The following ATP10B variants were observed in gnomAD, a reference collection of about 807,000 sequenced individuals.
The protein encoded by ATP10B is ATPase phospholipid transporting 10B (putative).
In ATP10B, 122 loss-of-function variants were observed where a neutral mutation model predicts 141.2. That is an observed-to-expected ratio of 0.86 (90% confidence interval 0.75 to 1.00). ATP10B has a LOEUF of 1.00. Among genes scored for constraint, ATP10B ranks in the 50% least tolerant of loss-of-function variants. ATP10B has a pLI of 0.00. For missense variants in ATP10B, 1,876 were observed against 1,825.3 expected (o/e 1.03, Z -0.51); for synonymous variants, 685 against 692.0 (o/e 0.99, Z 0.16).
At chr5:160,766,329 A>G (rs1196101568) in intron 2 of ATP10B, among the ~76,000 whole-genome samples, 1 of 145,008 alleles carries the variant, frequency 6.9e-6, no homozygotes, top group Non-Finnish European at 1.5e-5. Context: ...CAATGAGTGG[A>G]TAAAGAGAAC....
At chr5:160,881,406 C>T in the ATP10B span, among the ~76,000 whole-genome samples, 1 of 152,350 alleles carries the variant, frequency 6.6e-6, no homozygotes, top group East Asian at 1.9e-4. Flanking sequence ...ACTAAACATA[C>T]TATTACCATA....
chr5:160,807,042 G>C (rs575859373), intron 1 of ATP10B, among the ~76,000 whole-genome samples: 78 of 152,274 alleles, frequency 5.1e-4, no homozygotes, highest in African/African-American at 1.8e-3. Flanking sequence ...CCAGTAAAGA[G>C]AGAATCTAGC....
At position 160,653,716 on chromosome 5, in the gene ATP10B, T is replaced by C. The variant is rs1761188125; in HGVS notation, c.676-4460A>G. Among the ~76,000 whole-genome samples, 5 of 127,726 alleles carry C rather than the reference T, an allele frequency of 3.9e-5. No homozygotes were observed. In the South Asian group the frequency reaches 1.2e-3, roughly 29 times the overall value. The allele number at this position is 127,726 out of a possible 152,430, so 83.8% of individuals were successfully genotyped here. ...TATATACATATACAATATATACATA[T>C]ATACATATATATTATATATACATAT... On this transcript the variant is annotated intron_variant, in intron 7 of 25. Transcript: ENST00000327245.
At chr5:160,850,524 C>G (rs1163560164) in intron 1 of ATP10B, among the ~76,000 whole-genome samples, 6 of 152,204 alleles carry the variant, frequency 3.9e-5, no homozygotes, top group African/African-American at 7.2e-5. Context: ...CTTCATTTCT[C>G]TAGGTCCTAG....
At chr5:160,867,479 A>C in the ATP10B span, among the ~76,000 whole-genome samples, 3 of 152,152 alleles carry the variant, frequency 2.0e-5, no homozygotes, top group Non-Finnish European at 4.4e-5. Context: ...ACACACAGAA[A>C]TGGGGCTACT....
rs199882368 is a variant in ATP10B, at chr5:160,620,611, C to T, written c.2152G>A (p.Glu718Lys). ...TDLARPEFCY[E>K]AESPDEAALV... ...GCGGCCTCATCAGGGCTCTCAGCCT[C>T]GTAACAGAACTCAGGCCTGGCCAGG... Residue 718 changes from glutamate (E) to lysine (K), a missense_variant, in exon 15 of 26, where the codon GAG (glutamate) becomes AAG (lysine). Physicochemically the swap from Glu to Lys is moderately conservative, Grantham distance 56. Coordinates refer to ENST00000327245, the MANE Select transcript of ATP10B (RefSeq NM_025153.3). The T allele has an allele frequency of 7.6e-5, 122 of 1,613,654 alleles. No individual in the cohort carries two copies. Among genetic ancestry groups the T allele is most frequent in the Non-Finnish European group, 9.0e-5 (106 of 1,179,726 alleles).
chr5:160,853,161 A>T (rs930941968), upstream of ATP10B, among the ~76,000 whole-genome samples: 4 of 152,198 alleles, frequency 2.6e-5, no homozygotes, highest in Non-Finnish European at 5.9e-5. Context: ...AATTTTTAAG[A>T]ACATGAAATT....
At chr5:160,719,214 C>T (rs781716967) in intron 2 of ATP10B, among the ~76,000 whole-genome samples, 8 of 152,140 alleles carry the variant, frequency 5.3e-5, no homozygotes, top group African/African-American at 7.2e-5. Context: ...TCCTGGCTAA[C>T]ATGGTGAAAC....
chr5:160,586,921 T>G (rs551065724), intron 24 of ATP10B, among the ~76,000 whole-genome samples: 4 of 152,342 alleles, frequency 2.6e-5, no homozygotes, highest in African/African-American at 7.2e-5. Context: ...GATTGCCTTT[T>G]CACTCTGATG....
In ATP10B at chr5:160,589,119, T is replaced by G. The variant is rs532163388; in HGVS notation, c.3750+473A>C. Among the ~76,000 whole-genome samples the G allele has an allele frequency of 3.9e-5, 6 of 152,184 alleles. No individual in the cohort carries two copies. In the South Asian group the frequency reaches 1.2e-3, roughly 32 times the overall value. On this transcript the variant is annotated intron_variant, in intron 24 of 25. Transcript: ENST00000327245. ...CTCCGCCTCCCATGTTCAAGCAATT[T>G]TCCTGCCTCAGCCTCCCGAGTAGCT...
At chr5:160,879,942 T>C in the ATP10B span, among the ~76,000 whole-genome samples, 2 of 152,054 alleles carry the variant, frequency 1.3e-5, no homozygotes, top group East Asian at 3.8e-4. Flanking sequence ...TTGCTTTGTA[T>C]ATACCAACAA....
At chr5:160,829,832 T>C (rs905437024) in intron 1 of ATP10B, among the ~76,000 whole-genome samples, 2 of 152,186 alleles carry the variant, frequency 1.3e-5, no homozygotes, top group African/African-American at 4.8e-5. Flanking sequence ...AACTCATTTA[T>C]CAGTTCTAGT....
chr5:160,920,888 G>A, the ATP10B span, among the ~76,000 whole-genome samples: 2 of 152,178 alleles, frequency 1.3e-5, no homozygotes, highest in African/African-American at 2.4e-5. Context: ...AGTCTAGGGC[G>A]TAGTCAAAGT....
intron 7 of ATP10B, among the ~76,000 whole-genome samples, chr5:160,651,141 G>A (rs1388594212): frequency 1.3e-5 from 2 of 152,048 alleles, no homozygotes; most frequent in East Asian, 1.9e-4. Context: ...GCTTTAATTT[G>A]CCTTTCTTTA....
rs146791534 is a variant in ATP10B, at chr5:160,796,944, G to A, written c.-575-11141C>T. Among the ~76,000 whole-genome samples, 6 of 152,286 alleles carry A rather than the reference G, an allele frequency of 3.9e-5. No individual in the cohort carries two copies. In the South Asian group the frequency reaches 6.2e-4, roughly 16 times the overall value. ...ATTTTCTTTAACCTGGAGCTTAAAC[G>A]GCAATCTTCTTAGGGTGGGAACTGT... On this transcript the variant is annotated intron_variant, in intron 1 of 25. Transcript: ENST00000327245.
intron 13 of ATP10B, among the ~76,000 whole-genome samples, chr5:160,629,124 G>A (rs1438074896): frequency 2.0e-5 from 3 of 152,040 alleles, no homozygotes; most frequent in African/African-American, 7.2e-5. Context: ...GTGATTCCAA[G>A]AGATGATCAG....
At chr5:160,766,421 G>C (rs925583456) in intron 2 of ATP10B, among the ~76,000 whole-genome samples, 1 of 147,996 alleles carries the variant, frequency 6.8e-6, no homozygotes, top group African/African-American at 2.5e-5. Context: ...CCATAAAAAG[G>C]AATGAAGCAA....
At chr5:160,918,155 T>C in the ATP10B span, among the ~76,000 whole-genome samples, 1 of 152,154 alleles carries the variant, frequency 6.6e-6, no homozygotes, top group Non-Finnish European at 1.5e-5. Flanking sequence ...ACCTATGGGG[T>C]GCCAGACACT....
At chr5:160,852,556 A>T (rs1753866001), upstream of ATP10B, among the ~76,000 whole-genome samples, 1 of 152,180 alleles carries the variant, frequency 6.6e-6, no homozygotes, top group African/African-American at 2.4e-5. Context: ...ATGCATGCTG[A>T]TGATGAATTT....
Sources: gnomAD v4.1 joint callset for allele counts (sites outside exome capture counted in the v4.1 genomes callset) on GRCh38, gnomAD v4.1.1 for gene constraint, MANE v1.5 for transcripts, NCBI Gene and HGNC (gene_info 2026-07-23, HGNC 2026-07-21) for gene names.